The following FAM117A variants were observed in gnomAD, a reference collection of about 807,000 sequenced individuals.
The protein encoded by FAM117A is family with sequence similarity 117 member A.
FAM117A carries 21 observed loss-of-function variants against 44.1 expected under a neutral mutation model. That is an observed-to-expected ratio of 0.48 (90% CI 0.34 to 0.69). FAM117A has a LOEUF of 0.69. FAM117A is among the 30% of genes least tolerant of loss of function. The pLI is 0.01. For synonymous variants in FAM117A, 220 were observed against 238.3 expected (o/e 0.92, Z 0.71); for missense variants, 498 against 589.9 (o/e 0.84, Z 1.61).
chr17:49,789,064 T>C (rs1402419744), upstream of FAM117A: 19 of 417,106 alleles, frequency 4.6e-5, no homozygotes, highest in South Asian at 1.5e-3. Context: ...TCTGCTTGCC[T>C]GGATCGGAGG....
intron 1 of FAM117A, among the ~76,000 whole-genome samples, chr17:49,748,699 A>G (rs1005103683): frequency 2.6e-5 from 4 of 152,246 alleles, no homozygotes; most frequent in African/African-American, 9.6e-5. Flanking sequence ...CATTTCAGAT[A>G]AAGGATGCAC....
intron 5 of FAM117A, among the ~76,000 whole-genome samples, chr17:49,718,357 CTG>C (rs2073515032): frequency 6.6e-6 from 1 of 152,254 alleles, no homozygotes. Context: ...CCCAATTAAA[CTG>C]TGTCAATATA....
chr17:49,759,563 T>C (rs2073714493), intron 1 of FAM117A, among the ~76,000 whole-genome samples: 1 of 152,208 alleles, frequency 6.6e-6, no homozygotes, highest in Non-Finnish European at 1.5e-5. Context: ...GATGATGCCT[T>C]GGCATAGAAC....
chr17:49,727,231 C>A (rs2073564023), intron 2 of FAM117A, among the ~76,000 whole-genome samples: 1 of 151,998 alleles, frequency 6.6e-6, no homozygotes, highest in Non-Finnish European at 1.5e-5. Flanking sequence ...CATGGTGAAA[C>A]TCCGTCTCTA....
In FAM117A at chr17:49,754,461, C is replaced by T. The variant is rs9903047; in HGVS notation, c.196+9431G>A. On this transcript the variant is annotated intron_variant, in intron 1 of 7. Transcript: ENST00000240364. ...CTGGGACTACAGGAGCCCACCACCACGCCCGGCTAATTTTTTGTATTTTTA... is the reference window on the plus strand; with the variant it reads ...CTGGGACTACAGGAGCCCACCACCATGCCCGGCTAATTTTTTGTATTTTTA... 6.9e-3 allele frequency among the ~76,000 whole-genome samples: 1,051 copies of T among 152,020 alleles called. 13 individuals are homozygous for T. The highest frequency in any genetic ancestry group is 0.024 in the African/African-American group (1,013 of 41,466).
At chr17:49,781,801 A>G (rs1179892878) in intron 1 of FAM117A, among the ~76,000 whole-genome samples, 2 of 151,832 alleles carry the variant, frequency 1.3e-5, no homozygotes, top group South Asian at 2.1e-4. Flanking sequence ...ACATAGTGAG[A>G]CCCCGATCTC....
At chr17:49,764,192 A>C, upstream of FAM117A, 2 of 523,946 alleles carry the variant, frequency 3.8e-6, no homozygotes, top group Non-Finnish European at 6.1e-6. Flanking sequence ...CGGCCCCCTC[A>C]TCCTAGAGCT....
At chr17:49,732,818 G>T (rs997551398) in intron 1 of FAM117A, 98 bp from the exon 2 acceptor site, 1 of 1,284,686 alleles carries the variant, frequency 7.8e-7, no homozygotes, top group Middle Eastern at 2.5e-4. Context: ...TGCCTGCCCC[G>T]TCTTCACTCA....
intron 1 of FAM117A, among the ~76,000 whole-genome samples, chr17:49,739,825 G>C (rs1296307331): frequency 1.3e-5 from 2 of 152,210 alleles, no homozygotes; most frequent in Admixed American, 6.5e-5. Context: ...CAGGAGGGTG[G>C]AGTGTCCTGT....
At position 49,758,647 on chromosome 17, in the gene FAM117A, AAAT is replaced by A. The variant is rs1233595770; in HGVS notation, c.196+5242_196+5244del. 9.9e-5 allele frequency among the ~76,000 whole-genome samples: 14 copies of A among 141,320 alleles called. No individual in the cohort carries two copies. The East Asian group carries it at 1.2e-3, about 12-fold the overall frequency. The allele number at this position is 141,320 out of a possible 152,430, so 92.7% of individuals were successfully genotyped here. On this transcript the variant is annotated intron_variant, in intron 1 of 7. Transcript: ENST00000240364. ...AAAAAAAAAAAAAAATAAAATAAAT[AAAT>A]AAATAAATAAATAAATAAATAAATA...
intron 2 of FAM117A, chr17:49,732,231 G>C (rs929513206): frequency 4.9e-6 from 1 of 202,428 alleles, no homozygotes; most frequent in African/African-American, 2.3e-5. Context: ...TTCCATATAA[G>C]TTTACAAAGA....
chr17:49,758,673 AT>A (rs2073710330), intron 1 of FAM117A, among the ~76,000 whole-genome samples: 5 of 150,612 alleles, frequency 3.3e-5, no homozygotes, highest in African/African-American at 1.2e-4. Context: ...AAATAAATAA[AT>A]AAATAAAATA....
rs571700187 is a variant in FAM117A at position 49,769,250 on chromosome 17, G to A, written c.-621+19247C>T. Among the ~76,000 whole-genome samples, 261 of 152,148 alleles carry A rather than the reference G, an allele frequency of 1.7e-3. 1 individual carries two copies. Among genetic ancestry groups the A allele is most frequent in the Non-Finnish European group, 2.2e-3 (148 of 68,004 alleles). ...GCGGAGGCTGCAGTAAGCCGAGATC[G>A]TGCCACTGCACTCCAGCCTGGGTGA... On this transcript the variant is annotated intron_variant, in intron 1 of 7. Coordinates refer to the FAM117A transcript ENST00000513602.
chr17:49,716,298 G>C lies in FAM117A; in HGVS notation c.928C>G (p.Pro310Ala), dbSNP rs1400850132. ...PNDKASSPGH[P>A]AFLEDGSPSP... ...GGGCTGCCATCTTCAAGAAAGGCTG[G>C]GTGTCCTGGAGAGGAGGCTGTGAAC... is the stretch of plus-strand genomic sequence containing the variant. Residue 310 changes from proline (P) to alanine (A), a missense_variant, in exon 7 of 8, where the codon CCA becomes GCA. Transcript: ENST00000240364. The C allele has an allele frequency of 1.3e-6, 2 of 1,599,090 alleles. No individual in the cohort carries two copies. The highest frequency in any genetic ancestry group is 1.7e-6 in the Non-Finnish European group (2 of 1,172,408).
chr17:49,728,103 C>T (rs1261342357), intron 2 of FAM117A, among the ~76,000 whole-genome samples: 1 of 152,258 alleles, frequency 6.6e-6, no homozygotes, highest in Non-Finnish European at 1.5e-5. Context: ...TCAGATTTTC[C>T]ATCATGGCCC....
At chr17:49,774,806 T>C (rs1180337485) in intron 1 of FAM117A, among the ~76,000 whole-genome samples, 1 of 152,164 alleles carries the variant, frequency 6.6e-6, no homozygotes, top group African/African-American at 2.4e-5. Flanking sequence ...TGCAGGCTGA[T>C]AGTGGGAAAG....
In FAM117A at chr17:49,711,090, G is replaced by A. The variant is rs965685109; in HGVS notation, c.*165C>T. 1.4e-5 allele frequency: 9 copies of A among 639,382 alleles called. No homozygotes were observed. The highest frequency in any genetic ancestry group is 2.9e-5 in the East Asian group (1 of 34,342). 39.6% of individuals were successfully genotyped at this position (639,382 alleles called of 1,614,324 possible). ...AGGTCCCATCACGTTCAGAGGGGCC[G>A]GTGCCCATCAAAAAGAGGACCCAGG... is the stretch of plus-strand genomic sequence containing the variant. On this transcript the variant is annotated 3_prime_UTR_variant, in exon 8 of 8. Coordinates refer to ENST00000240364, the MANE Select transcript of FAM117A (RefSeq NM_030802.4).
intron 1 of FAM117A, among the ~76,000 whole-genome samples, chr17:49,740,249 A>AT (rs879708249): frequency 0.017 from 2,433 of 143,244 alleles, 59 homozygotes; most frequent in African/African-American, 0.045. Flanking sequence ...TGGTAAGCAG[A>AT]TTTTTTTTTT....
chr17:49,778,902 G>C (rs749053596), intron 1 of FAM117A, among the ~76,000 whole-genome samples: 2 of 152,246 alleles, frequency 1.3e-5, no homozygotes, highest in Non-Finnish European at 2.9e-5. Context: ...TGTGCAATAA[G>C]AGCATGGCAG....
Sources: allele counts gnomAD v4.1 joint callset (sites outside exome capture counted in the v4.1 genomes callset), GRCh38; gene constraint gnomAD v4.1.1; transcripts MANE v1.5; gene names NCBI Gene and HGNC (gene_info 2026-07-23, HGNC 2026-07-21).